Variants in POFUT1 observed in about 807,000 individuals in gnomAD.
POFUT1 encodes the protein GDP-fucose protein O-fucosyltransferase 1.
In POFUT1, 16 loss-of-function variants were observed where a neutral mutation model predicts 42.4. The observed-to-expected ratio is 0.38, with a 90% CI of 0.26 to 0.57. The LOEUF (loss-of-function observed/expected upper bound fraction) is 0.57. POFUT1 is among the 20% of genes least tolerant of loss of function. The probability of loss-of-function intolerance (pLI) is 0.71; values close to 1 mark genes in which losing one functional copy is unlikely to be tolerated. For synonymous variants in POFUT1, 206 were observed against 205.4 expected, an observed-to-expected ratio of 1.00 and a Z score of -0.03; for missense variants, 470 against 504.6, an observed-to-expected ratio of 0.93 and a Z score of 0.66.
Position 32,210,144 on chromosome 20 carries a change from T to A in POFUT1, c.198T>A (p.Ala66=). 6.2e-7 allele frequency: 1 copy of A among 1,614,170 alleles called. No individual in the cohort carries two copies. Among genetic ancestry groups the A allele is most frequent in the Non-Finnish European group, 8.5e-7 (1 of 1,179,982 alleles). The change falls in exon 2 of 7, where the codon GCT becomes GCA. Residue 66 remains alanine, a synonymous_variant. Transcript: ENST00000375749. ...AFAKLLNRTL[A]VPPWIEYQHH... is the part of the protein sequence containing the mutation. Reference sequence around the variant, plus strand: ...CAAAGCTGCTAAACCGTACCTTGGCTGTCCCTCCTTGGATTGAGTACCAGC... The same window carrying A: ...CAAAGCTGCTAAACCGTACCTTGGCAGTCCCTCCTTGGATTGAGTACCAGC...
intron 4 of POFUT1, among the ~76,000 whole-genome samples, chr20:32,220,586 A>C (rs938568409): frequency 1.6e-4 from 25 of 152,126 alleles, no homozygotes; most frequent in Non-Finnish European, 5.9e-5. Context: ...TACTAAAAAT[A>C]TAAAAAATTA....
At chr20:32,223,371 G>C in intron 4 of POFUT1, 1 of 985,430 alleles carries the variant, frequency 1.0e-6, no homozygotes, top group Non-Finnish European at 1.2e-6. Context: ...CTTGCTGCTT[G>C]TTGGGTCTGA....
chr20:32,215,482 T>G lies in POFUT1; in HGVS notation c.429+31T>G, dbSNP rs373173987. 4.1e-5 allele frequency: 64 copies of G among 1,578,190 alleles called. No individual in the cohort carries two copies. The African/African-American group carries it at 8.2e-4, about 20-fold the overall frequency. On this transcript the variant is annotated intron_variant, in intron 3 of 6. Transcript: ENST00000375749. ...TCCTGTGGGTTCGGGGGCCCTTTCTTCCTGTTCCATGTCCTCTAGGCCCCC... is the reference window on the plus strand; with the variant it reads ...TCCTGTGGGTTCGGGGGCCCTTTCTGCCTGTTCCATGTCCTCTAGGCCCCC...
chr20:32,208,124 C>A, intron 1 of POFUT1, 59 bp downstream of exon 1: 2 of 1,494,616 alleles, frequency 1.3e-6, no homozygotes, highest in Non-Finnish European at 1.8e-6. Context: ...GAGGAAAAGC[C>A]ACTCCTCAGA....
In POFUT1 at chr20:32,207,965, G is replaced by A. The variant is rs758297493; in HGVS notation, c.24G>A (p.Arg8=). 374 of 1,591,702 alleles carry A rather than the reference G, an allele frequency of 2.3e-4. No homozygotes were observed. The highest frequency in any genetic ancestry group is 2.9e-4 in the Non-Finnish European group (345 of 1,176,116). ...ACATGGGCGCCGCCGCGTGGGCACGGCCGCTGAGCGTGTCTTTCCTGCTGC... is the reference window on the plus strand; with the variant it reads ...ACATGGGCGCCGCCGCGTGGGCACGACCGCTGAGCGTGTCTTTCCTGCTGC... The part of the protein sequence containing the change: MGAAAWA[R]PLSVSFLLLL... Residue 8 remains arginine, a synonymous_variant, in exon 1 of 7, where the codon CGG becomes CGA. Transcript: ENST00000375749.
rs1375780634 is a variant in POFUT1 at position 32,208,065 on chromosome 20, G to A, written c.124G>A (p.Gly42Arg). 6.4e-7 allele frequency: 1 copy of A among 1,552,216 alleles called. No homozygotes were observed. Reference protein sequence around the residue: ...AGYLLYCPCMGRFGNQADHFL... With the variant: ...AGYLLYCPCMRRFGNQADHFL... ...TTACCTGCTCTACTGCCCCTGCATG[G>A]GTAAGGCCTCCCAAGCCCTCTGCTC... Residue 42 changes from glycine (G) to arginine (R), a missense_variant and splice_region_variant, in exon 1 of 7, where the codon GGG (glycine) becomes AGG (arginine). Physicochemically the swap from Gly to Arg is moderately radical, Grantham distance 125 (BLOSUM62 -2). Transcript: ENST00000375749.
At chr20:32,209,353 T>C (rs1369975325) in intron 1 of POFUT1, among the ~76,000 whole-genome samples, 3 of 152,372 alleles carry the variant, frequency 2.0e-5, no homozygotes, top group African/African-American at 4.8e-5. Context: ...CTGGCAATTA[T>C]CAACATTTTT....
chr20:32,230,717 T>C, intron 5 of POFUT1, 102 bp from the exon 6 acceptor site: 1 of 1,340,250 alleles, frequency 7.5e-7, no homozygotes, highest in Non-Finnish European at 1.0e-6. Context: ...AAAATGTAGT[T>C]AGGTTCTTCC....
At chr20:32,227,228 A>G (rs1208966250) in intron 4 of POFUT1, among the ~76,000 whole-genome samples, 1 of 152,192 alleles carries the variant, frequency 6.6e-6, no homozygotes, top group Non-Finnish European at 1.5e-5. Context: ...TGTTCAGTCA[A>G]GAAGTATTGA....
At chr20:32,210,302 C>T (rs930489048) in intron 2 of POFUT1, 110 bp downstream of exon 2, 7 of 1,108,566 alleles carry the variant, frequency 6.3e-6, no homozygotes, top group African/African-American at 4.6e-5. Flanking sequence ...CTGAGATTTC[C>T]CTACCTCCAG....
intron 4 of POFUT1, chr20:32,217,088 G>T (rs2047365922): frequency 1.2e-6 from 2 of 1,610,374 alleles, no homozygotes; most frequent in Non-Finnish European, 1.7e-6. Flanking sequence ...TTCAGGTGCA[G>T]ACCGAGAAAT....
intron 4 of POFUT1, chr20:32,222,552 C>T: frequency 2.1e-6 from 2 of 970,566 alleles, no homozygotes; most frequent in Non-Finnish European, 2.4e-6. Flanking sequence ...GCAAGAAGTA[C>T]TTAGAAATGT....
intron 4 of POFUT1, chr20:32,217,184 G>A: frequency 6.8e-7 from 1 of 1,461,340 alleles, no homozygotes; most frequent in African/African-American, 1.4e-5. Flanking sequence ...AGCAGGACGT[G>A]GGCACAGGCC....
chr20:32,228,140 G>T, intron 4 of POFUT1, 123 bp from the exon 5 acceptor site: 1 of 647,714 alleles, frequency 1.5e-6, no homozygotes, highest in Admixed American at 3.2e-5. Flanking sequence ...TGTTTCTTGC[G>T]TGTTGCAGGG....
intron 4 of POFUT1, chr20:32,222,656 C>G (rs2047396571): frequency 1.0e-6 from 1 of 985,276 alleles, no homozygotes; most frequent in African/African-American, 1.7e-5. Context: ...CAGCTGAAAA[C>G]TGGGTTCGAG....
chr20:32,215,845 G>A (rs1443861919), intron 3 of POFUT1, among the ~76,000 whole-genome samples: 1 of 152,184 alleles, frequency 6.6e-6, no homozygotes, highest in African/African-American at 2.4e-5. Context: ...TACTCACACT[G>A]TTCCATGAGG....
At chr20:32,215,036 C>T (rs1356784331) in intron 2 of POFUT1, among the ~76,000 whole-genome samples, 6 of 152,080 alleles carry the variant, frequency 3.9e-5, no homozygotes, top group African/African-American at 1.2e-4. Context: ...TACAGGTGCT[C>T]GCTACCACCC....
chr20:32,234,642 A>C lies in POFUT1; in HGVS notation c.1148A>C (p.Lys383Thr). 1 of 1,610,960 alleles carries C rather than the reference A, an allele frequency of 6.2e-7. No homozygotes were observed. The highest frequency in any genetic ancestry group is 8.5e-7 in the Non-Finnish European group (1 of 1,178,240). ...SSFFGMDRPP[K>T]LRDEF ...TTCTTCGGCATGGACAGGCCCCCTA[A>C]GCTGCGGGACGAGTTCTGATTCTGG... The change falls in exon 7 of 7, where the codon AAG (lysine) becomes ACG (threonine). Residue 383 changes from lysine to threonine, a missense_variant. Physicochemically the swap from Lys to Thr is moderately conservative, Grantham distance 78 (BLOSUM62 -1). Coordinates refer to ENST00000375749, the MANE Select transcript of POFUT1 (RefSeq NM_015352.2).
chr20:32,222,944 G>A, intron 4 of POFUT1: 1 of 983,606 alleles, frequency 1.0e-6, no homozygotes, highest in Non-Finnish European at 1.2e-6. Context: ...GCCATGCAGA[G>A]AGCTGGAGGG....
Sources: gnomAD v4.1 joint callset for allele counts (sites outside exome capture counted in the v4.1 genomes callset) on GRCh38, gnomAD v4.1.1 for gene constraint, MANE v1.5 for transcripts, NCBI Gene and HGNC (gene_info 2026-07-23, HGNC 2026-07-21) for gene names.